The following SLC4A5 variants were observed in gnomAD, a reference collection of about 807,000 sequenced individuals.
The protein encoded by SLC4A5 is electrogenic sodium bicarbonate cotransporter 4.
Under a neutral mutation model 120.4 loss-of-function variants are expected in SLC4A5, and 96 were observed. The ratio of observed to expected loss-of-function variants is 0.80; its 90% confidence interval spans 0.68 to 0.94. The LOEUF is 0.94. SLC4A5 is among the 40% of genes least tolerant of loss of function. The pLI, the probability that SLC4A5 is intolerant of heterozygous loss-of-function variation, is 0.00. For missense variants in SLC4A5, 1,259 were observed against 1,459.5 expected (o/e 0.86, Z 2.24); for synonymous variants, 550 against 571.1 (o/e 0.96, Z 0.53).
chr2:74,290,618 GAAGTGA>G (rs1293682630), intron 7 of SLC4A5: 1 of 948,194 alleles, frequency 1.1e-6, no homozygotes, highest in African/African-American at 2.3e-5. Flanking sequence ...GAGAGACAGA[GAAGTGA>G]GAGAGAGAGA....
chr2:74,309,100 T>C (rs1305882323), intron 6 of SLC4A5, among the ~76,000 whole-genome samples: 2 of 152,016 alleles, frequency 1.3e-5, no homozygotes, highest in Middle Eastern at 3.4e-3. Context: ...TTTTAATTTT[T>C]AGTAGTCTCA....
At chr2:74,269,919 T>C (rs1343240751) in intron 8 of SLC4A5, among the ~76,000 whole-genome samples, 1 of 152,234 alleles carries the variant, frequency 6.6e-6, no homozygotes, top group Non-Finnish European at 1.5e-5. Flanking sequence ...AGATAGCAGA[T>C]AGCAAAGACA....
intron 2 of SLC4A5, among the ~76,000 whole-genome samples, chr2:74,342,104 A>G (rs1673642415): frequency 6.6e-6 from 1 of 152,228 alleles, no homozygotes; most frequent in Non-Finnish European, 1.5e-5. Context: ...AGCTCAAGAA[A>G]CAAAGTTTTC....
chr2:74,268,930 A>G (rs149111646), intron 8 of SLC4A5, among the ~76,000 whole-genome samples: 9 of 152,318 alleles, frequency 5.9e-5, no homozygotes, highest in African/African-American at 2.2e-4. Context: ...TATTTGAGAC[A>G]AGTTAACCAG....
intron 11 of SLC4A5, 53 bp from the exon 12 acceptor site, chr2:74,259,696 C>T: frequency 1.9e-6 from 3 of 1,584,174 alleles, no homozygotes; most frequent in Non-Finnish European, 2.6e-6. Flanking sequence ...TCTTGCAGGT[C>T]CCTTTCCTAT....
intron 19 of SLC4A5, among the ~76,000 whole-genome samples, chr2:74,245,191 C>T (rs954925504): frequency 9.2e-5 from 14 of 152,130 alleles, no homozygotes; most frequent in African/African-American, 3.1e-4. Flanking sequence ...TGGTGGTGCA[C>T]ACTTGTAATC....
intron 22 of SLC4A5, 52 bp from the exon 23 acceptor site, chr2:74,233,615 GC>G (rs1471446801): frequency 2.0e-6 from 3 of 1,533,104 alleles, no homozygotes; most frequent in Non-Finnish European, 8.8e-7. Flanking sequence ...TTGTCCCAGG[GC>G]ACTTGTCGCC....
At chr2:74,250,765 A>G (rs534788777) in intron 16 of SLC4A5, 2 of 474,520 alleles carry the variant, frequency 4.2e-6, no homozygotes, top group Non-Finnish European at 7.7e-6. Context: ...TCTGATGGGA[A>G]TATGTCCTGG....
At chr2:74,231,177 A>T (rs1670067105) in intron 25 of SLC4A5, 59 bp downstream of exon 25, 1 of 1,514,150 alleles carries the variant, frequency 6.6e-7, no homozygotes, top group South Asian at 1.2e-5. Flanking sequence ...CTCCCTGCCT[A>T]AGGCATCCGC....
intron 21 of SLC4A5, among the ~76,000 whole-genome samples, chr2:74,235,419 C>G (rs868552243): frequency 2.9e-4 from 44 of 152,264 alleles, no homozygotes; most frequent in Middle Eastern, 3.4e-3. Flanking sequence ...CAATTTCCTT[C>G]TCTGTAAAAT....
chr2:74,235,246 T>C (rs1416546563), intron 21 of SLC4A5, 32 bp from the exon 22 acceptor site: 2 of 1,569,752 alleles, frequency 1.3e-6, no homozygotes, highest in Non-Finnish European at 1.7e-6. Flanking sequence ...GTAAAAGAAG[T>C]GAGTAAAGCA....
intron 22 of SLC4A5, among the ~76,000 whole-genome samples, chr2:74,234,166 T>A (rs1670191622): frequency 6.6e-6 from 1 of 150,760 alleles, no homozygotes. Flanking sequence ...CTTTTTTTTT[T>A]CTTTCTTTCT....
rs1379683821 is a variant in SLC4A5 at position 74,290,769 on chromosome 2, C to A, written c.272-4867G>T. Reference sequence around the variant, plus strand: ...GCAGGAAGCCGGGTCTCCACAGCAGCAGGGGTGGTGGCAGCTGAGGACCTG... The same window carrying A: ...GCAGGAAGCCGGGTCTCCACAGCAGAAGGGGTGGTGGCAGCTGAGGACCTG... On this transcript the variant is annotated intron_variant, in intron 7 of 30. Transcript: ENST00000394019. The A allele has an allele frequency of 7.1e-6, 7 of 986,708 alleles. No homozygotes were observed. The African/African-American group carries it at 1.0e-4, about 15-fold the overall frequency. 61.1% of individuals were successfully genotyped at this position (986,708 alleles called of 1,614,324 possible).
At chr2:74,219,064 G>C (rs936821001) in intron 30 of SLC4A5, among the ~76,000 whole-genome samples, 4 of 152,126 alleles carry the variant, frequency 2.6e-5, no homozygotes, top group Non-Finnish European at 5.9e-5. Flanking sequence ...GCTCCTTAGT[G>C]TGAGAAGACA....
intron 27 of SLC4A5, among the ~76,000 whole-genome samples, chr2:74,226,531 TC>T (rs1694846171): frequency 6.6e-6 from 1 of 152,208 alleles, no homozygotes; most frequent in African/African-American, 2.4e-5. Context: ...CCCTCGTTCT[TC>T]CCCTGCCCCC....
At chr2:74,290,666 G>A (rs1415014032) in intron 7 of SLC4A5, 1 of 983,272 alleles carries the variant, frequency 1.0e-6, no homozygotes, top group Non-Finnish European at 1.2e-6. Context: ...GCAAGAGAGA[G>A]AGAGAAGTGA....
At chr2:74,329,575 C>T (rs990925576) in intron 4 of SLC4A5, among the ~76,000 whole-genome samples, 16 of 151,066 alleles carry the variant, frequency 1.1e-4, no homozygotes, top group African/African-American at 3.7e-4. Context: ...GGCAACACGG[C>T]GAGGCTCCAT....
chr2:74,217,523 T>C (rs1694483662), exon 31 of SLC4A5: 1 of 152,164 alleles, frequency 6.6e-6, no homozygotes, highest in Non-Finnish European at 1.5e-5. Flanking sequence ...GAATGGGAGT[T>C]TGACTTTGGG....
chr2:74,343,169 A>C (rs1673662674), intron 1 of SLC4A5, among the ~76,000 whole-genome samples, 187 bp downstream of exon 1: 1 of 152,218 alleles, frequency 6.6e-6, no homozygotes, highest in South Asian at 2.1e-4. Context: ...TAGTTTCAAC[A>C]ATCAGGTTAC....
Sources: gnomAD v4.1 joint callset for allele counts (sites outside exome capture counted in the v4.1 genomes callset) on GRCh38, gnomAD v4.1.1 for gene constraint, MANE v1.5 for transcripts, NCBI Gene and HGNC (gene_info 2026-07-23, HGNC 2026-07-21) for gene names.